KLRF1: variants seen among roughly 807,000 people sequenced by gnomAD.
KLRF1 encodes killer cell lectin-like receptor subfamily F member 1.
A neutral mutation model predicts 30.7 loss-of-function variants in KLRF1; 27 were observed. That is an observed-to-expected ratio of 0.88 (90% CI 0.65 to 1.21). The LOEUF (loss-of-function observed/expected upper bound fraction) is 1.21, where lower values mean the gene tolerates loss of function less well. KLRF1 is among the 50% of genes most tolerant of loss of function. The pLI is 0.00. For missense variants in KLRF1, 246 were observed against 259.3 expected, an observed-to-expected ratio of 0.95 and a Z score of 0.35; for synonymous variants, 92 against 89.3, an observed-to-expected ratio of 1.03 and a Z score of -0.17.
At chr12:9,844,268 C>A in intron 5 of KLRF1, 150 bp from the exon 6 acceptor site, 1 of 508,576 alleles carries the variant, frequency 2.0e-6, no homozygotes, top group Admixed American at 3.6e-5. Flanking sequence ...GGCTAAGTTA[C>A]AGTTACTGTA....
At chr12:9,840,697 G>T (rs1867681220) in intron 3 of KLRF1, among the ~76,000 whole-genome samples, 2 of 152,088 alleles carry the variant, frequency 1.3e-5, no homozygotes, top group African/African-American at 2.4e-5. Flanking sequence ...TTAAAACTTT[G>T]TGTGGTTTTT....
chr12:9,802,349 A>G, the KLRF1 span, among the ~76,000 whole-genome samples: 8 of 152,008 alleles, frequency 5.3e-5, no homozygotes, highest in African/African-American at 1.2e-4. Flanking sequence ...AAATAATAAG[A>G]GTTATTTATG....
chr12:9,813,643 A>G, the KLRF1 span, among the ~76,000 whole-genome samples: 1 of 152,080 alleles, frequency 6.6e-6, no homozygotes, highest in African/African-American at 2.4e-5. Context: ...CCAGTAGAAA[A>G]TCAGACTTGG....
At position 9,844,486 on chromosome 12, in the gene KLRF1, A is replaced by G. The variant is rs754713872; in HGVS notation, c.656A>G (p.Glu219Gly). Residue 219 changes from glutamate (E) to glycine (G), a missense_variant, in exon 6 of 6, where the codon GAA becomes GGA. Physicochemically the swap from Glu to Gly is moderately conservative, Grantham distance 98. Coordinates refer to ENST00000617889, the MANE Select transcript of KLRF1 (RefSeq NM_016523.3). ...AAIKESKIFSETCSSVFKWIC... is the reference protein window; with the variant it reads ...AAIKESKIFSGTCSSVFKWIC... ...ATTAAGGAAAGCAAAATTTTCTCTG[A>G]AACCTGCAGCAGTGTTTTCAAATGG... The G allele has an allele frequency of 6.2e-7, 1 of 1,609,922 alleles. No individual in the cohort carries two copies. The highest frequency in any genetic ancestry group is 2.2e-5 in the East Asian group (1 of 44,808).
chr12:9,814,344 G>A, the KLRF1 span, among the ~76,000 whole-genome samples: 11 of 152,314 alleles, frequency 7.2e-5, no homozygotes, highest in East Asian at 2.1e-3. Context: ...CCACAGCCGG[G>A]ACTGCCACCA....
upstream of KLRF1, among the ~76,000 whole-genome samples, chr12:9,823,283 C>T (rs373792902): frequency 2.2e-4 from 33 of 146,782 alleles, 1 homozygote; most frequent in East Asian, 1.8e-3. Context: ...TCATGCCAAA[C>T]ACATTCTTGG....
At chr12:9,808,564 A>C in the KLRF1 span, among the ~76,000 whole-genome samples, 1 of 152,138 alleles carries the variant, frequency 6.6e-6, no homozygotes, top group Non-Finnish European at 1.5e-5. Context: ...CTCAAAAAAG[A>C]CCCGCATCCT....
In KLRF1 at chr12:9,841,857, G is replaced by T. The variant is rs764178129; in HGVS notation, c.380G>T (p.Trp127Leu). The T allele has an allele frequency of 2.8e-5, 45 of 1,607,836 alleles. 1 individual carries two copies. In the South Asian group the frequency reaches 4.9e-4, roughly 18 times the overall value. ...EWLKYQGKCY[W>L]FSNEMKSWSD... The stretch of plus-strand genomic sequence containing the variant: ...CTCAAATACCAAGGGAAGTGTTATT[G>T]GTTCTCTAATGAGATGAAAAGCTGG... Residue 127 changes from tryptophan (W) to leucine (L), a missense_variant, in exon 4 of 6, where the codon TGG becomes TTG. Physicochemically the swap from Trp to Leu is moderately conservative, Grantham distance 61. Coordinates refer to ENST00000617889, the MANE Select transcript of KLRF1 (RefSeq NM_016523.3).
chr12:9,801,426 G>A, the KLRF1 span, among the ~76,000 whole-genome samples: 113 of 152,080 alleles, frequency 7.4e-4, 2 homozygotes, highest in East Asian at 0.021. Flanking sequence ...TCACCACACT[G>A]TCTTCTACAA....
At chr12:9,815,185 T>C in the KLRF1 span, among the ~76,000 whole-genome samples, 1 of 152,212 alleles carries the variant, frequency 6.6e-6, no homozygotes, top group Non-Finnish European at 1.5e-5. Context: ...TAAATCATGA[T>C]GATAACAAGA....
chr12:9,804,875 C>G, the KLRF1 span, among the ~76,000 whole-genome samples: 1 of 151,766 alleles, frequency 6.6e-6, no homozygotes, highest in African/African-American at 2.4e-5. Context: ...TTGGGAAGAT[C>G]ATATTGTTTT....
In KLRF1 at chr12:9,844,319, T is replaced by G. The variant is rs770065297; in HGVS notation, c.588-99T>G. On this transcript the variant is annotated intron_variant, in intron 5 of 5. Coordinates refer to ENST00000617889, the MANE Select transcript of KLRF1 (RefSeq NM_016523.3). Reference sequence around the variant, plus strand: ...AAGTATGTAAAAATGCTTTGAGATTTTGAATTACTTTTTTATTTAAAAGAG... The same window carrying G: ...AAGTATGTAAAAATGCTTTGAGATTGTGAATTACTTTTTTATTTAAAAGAG... The G allele has an allele frequency of 1.7e-4, 111 of 646,964 alleles. 1 individual carries two copies. The Admixed American group carries it at 3.1e-3, about 18-fold the overall frequency. 40.1% of individuals were successfully genotyped at this position (646,964 alleles called of 1,614,324 possible). A position where few individuals can be genotyped will look rare whatever the true frequency, so the allele number is the denominator to read the frequency against.
chr12:9,822,684 T>TA (rs1048542642), upstream of KLRF1, among the ~76,000 whole-genome samples: 7 of 151,928 alleles, frequency 4.6e-5, no homozygotes, highest in South Asian at 2.1e-4. Context: ...GCAAGCTGGA[T>TA]AAAAAATCAA....
At chr12:9,821,695 G>T in the KLRF1 span, among the ~76,000 whole-genome samples, 1 of 152,190 alleles carries the variant, frequency 6.6e-6, no homozygotes, top group African/African-American at 2.4e-5. Context: ...CCAGAGCTGT[G>T]GGGGAAAGCC....
At chr12:9,837,076 C>T (rs1288331219) in intron 3 of KLRF1, among the ~76,000 whole-genome samples, 1 of 151,878 alleles carries the variant, frequency 6.6e-6, no homozygotes, top group Non-Finnish European at 1.5e-5. Context: ...AAACTTTTCC[C>T]AAAAATAAAT....
the KLRF1 span, among the ~76,000 whole-genome samples, chr12:9,806,077 G>A: frequency 8.0e-5 from 12 of 150,760 alleles, no homozygotes; most frequent in South Asian, 6.3e-4. Flanking sequence ...GGCTTATTTC[G>A]TTGTACATTT....
chr12:9,818,473 G>A, the KLRF1 span, among the ~76,000 whole-genome samples: 2 of 152,206 alleles, frequency 1.3e-5, no homozygotes, highest in Non-Finnish European at 2.9e-5. Flanking sequence ...ACAATATTGT[G>A]TGAGGAACCA....
rs773251005 is a variant in KLRF1 at position 9,842,395 on chromosome 12, A to G, written c.549A>G (p.Thr183=). ...TTAACTTTACCTCCTTGAAAATGAC[A>G]TGGACTTGGGTGGATGGTTCTCCAA... ...IGLNFTSLKM[T]WTWVDGSPID... Residue 183 remains threonine (T), a synonymous_variant, in exon 5 of 6, where the codon ACA becomes ACG. Coordinates refer to ENST00000617889, the MANE Select transcript of KLRF1 (RefSeq NM_016523.3). 6.8e-6 allele frequency: 11 copies of G among 1,612,384 alleles called. No homozygotes were observed. In the African/African-American group the frequency reaches 8.0e-5, roughly 12 times the overall value.
the KLRF1 span, among the ~76,000 whole-genome samples, chr12:9,815,907 C>A: frequency 6.6e-6 from 1 of 152,216 alleles, no homozygotes; most frequent in African/African-American, 2.4e-5. Flanking sequence ...AAACCTCCGC[C>A]TCCTGGATTC....
Sources: gnomAD v4.1 joint callset for allele counts (sites outside exome capture counted in the v4.1 genomes callset) on GRCh38, gnomAD v4.1.1 for gene constraint, MANE v1.5 for transcripts, NCBI Gene and HGNC (gene_info 2026-07-23, HGNC 2026-07-21) for gene names.